ABCA6: variants seen among roughly 807,000 people sequenced by gnomAD.
ABCA6 encodes ATP-binding cassette sub-family A member 6.
ABCA6 carries 164 observed loss-of-function variants against 191.2 expected under a neutral mutation model. That is an observed-to-expected ratio of 0.86 (90% CI 0.76 to 0.98). The LOEUF (loss-of-function observed/expected upper bound fraction) is 0.98, where lower values mean the gene tolerates loss of function less well. Among genes scored for constraint, ABCA6 ranks in the 50% least tolerant of loss-of-function variants. The pLI is 0.00. For synonymous variants in ABCA6, 636 were observed against 647.7 expected (o/e 0.98, Z 0.27); for missense variants, 1,958 against 1,894.1 (o/e 1.03, Z -0.63).
intron 26 of ABCA6, 78 bp from the exon 27 acceptor site, chr17:69,089,620 T>G (rs1380427372): frequency 8.3e-7 from 1 of 1,201,174 alleles, no homozygotes; most frequent in Non-Finnish European, 1.2e-6. Flanking sequence ...TAATATAAAA[T>G]TCACATATTG....
chr17:69,078,878 A>T lies in ABCA6; in HGVS notation c.*95T>A. On this transcript the variant is annotated 3_prime_UTR_variant, in exon 39 of 39. Transcript: ENST00000284425. ...AAATTTACAAAATATACCTGATGTT[A>T]ATTTTAAATGATCTTTAAAATTAAA... The T allele has an allele frequency of 1.4e-6, 1 of 703,466 alleles. No individual in the cohort carries two copies. Among genetic ancestry groups the T allele is most frequent in the Non-Finnish European group, 2.2e-6 (1 of 458,944 alleles). The allele number at this position is 703,466 out of a possible 1,614,324, so 43.6% of individuals were successfully genotyped here. A position where few individuals can be genotyped will look rare whatever the true frequency, so the allele number is the denominator to read the frequency against.
At chr17:69,126,594 G>C (rs2073759199) in intron 8 of ABCA6, among the ~76,000 whole-genome samples, 1 of 152,018 alleles carries the variant, frequency 6.6e-6, no homozygotes, top group African/African-American at 2.4e-5. Context: ...GCTGCAGTGA[G>C]CTGTGTTTGT....
chr17:69,106,174 G>A lies in ABCA6; in HGVS notation c.2427C>T (p.Ser809=). The part of the protein sequence containing the change: ...EQVEMIRDSE[S]LNEMELAHSS... ...AGTGAGCCAGCTCCATTTCATTGAGGCTTTCTGAGTCTCTTATCATCTCCA... is the reference window on the plus strand; with the variant it reads ...AGTGAGCCAGCTCCATTTCATTGAGACTTTCTGAGTCTCTTATCATCTCCA... The change falls in exon 19 of 39, where the codon AGC becomes AGT. Residue 809 remains serine, a synonymous_variant. Transcript: ENST00000284425. The A allele has an allele frequency of 1.2e-6, 2 of 1,613,346 alleles. No homozygotes were observed. Among genetic ancestry groups the A allele is most frequent in the Non-Finnish European group, 8.5e-7 (1 of 1,179,658 alleles).
chr17:69,097,909 C>T lies in ABCA6; in HGVS notation c.3120+11G>A, dbSNP rs781143618. On this transcript the variant is annotated intron_variant, in intron 23 of 38. Transcript: ENST00000284425. ...TTCCTGAAATTTCTTCTTTTCCCTG[C>T]TTTTTCTTACCTTGTAATCACTGAT... The T allele has an allele frequency of 2.6e-6, 4 of 1,559,164 alleles. No homozygotes were observed. The African/African-American group carries it at 5.6e-5, about 22-fold the overall frequency.
Position 69,087,682 on chromosome 17 carries a change from G to C in ABCA6, c.3699-209C>G. On this transcript the variant is annotated intron_variant, in intron 28 of 38. Transcript: ENST00000284425. ...TCTTAATGTTGTTGCCATTCTTCTG[G>C]TAAGAATCTTTGACCCTTTCAAATC... 3 of 608,358 alleles carry C rather than the reference G, an allele frequency of 4.9e-6. No individual in the cohort carries two copies. The South Asian group carries it at 6.1e-5, about 12-fold the overall frequency. The allele number at this position is 608,358 out of a possible 1,614,324, so 37.7% of individuals were successfully genotyped here. A position where few individuals can be genotyped will look rare whatever the true frequency, so the allele number is the denominator to read the frequency against.
intron 8 of ABCA6, among the ~76,000 whole-genome samples, chr17:69,127,974 T>G (rs1159379729): frequency 6.6e-6 from 1 of 152,106 alleles, no homozygotes; most frequent in Admixed American, 6.6e-5. Flanking sequence ...AAAAACGTCA[T>G]GTTGAATGAA....
chr17:69,084,564 G>A, intron 32 of ABCA6, 57 bp from the exon 33 acceptor site: 1 of 1,508,744 alleles, frequency 6.6e-7, no homozygotes. Flanking sequence ...GAAAATCCAA[G>A]CACACAGAAC....
chr17:69,140,093 A>T (rs543085785), intron 2 of ABCA6, among the ~76,000 whole-genome samples: 28 of 152,164 alleles, frequency 1.8e-4, no homozygotes, highest in African/African-American at 6.7e-4. Flanking sequence ...AACTTAAAGT[A>T]TAATAATAAT....
intron 11 of ABCA6, chr17:69,115,911 T>C (rs917051208): frequency 1.3e-5 from 2 of 152,112 alleles, no homozygotes; most frequent in African/African-American, 4.8e-5. Context: ...TAGACTGGAG[T>C]GCAGTGGAGC....
chr17:69,141,343 C>T (rs1019458822), intron 1 of ABCA6, among the ~76,000 whole-genome samples: 11 of 152,016 alleles, frequency 7.2e-5, no homozygotes, highest in Non-Finnish European at 1.5e-4. Flanking sequence ...TCTCAATTTT[C>T]TGAATTCAGA....
At chr17:69,096,529 C>A in intron 24 of ABCA6, 99 bp downstream of exon 24, 1 of 1,038,774 alleles carries the variant, frequency 9.6e-7, no homozygotes, top group Non-Finnish European at 1.3e-6. Flanking sequence ...TGGTTTATTA[C>A]AAAATATGAA....
intron 17 of ABCA6, chr17:69,108,296 C>A (rs1410578957): frequency 6.5e-6 from 1 of 154,916 alleles, no homozygotes; most frequent in Non-Finnish European, 1.4e-5. Context: ...CCATTCTGCT[C>A]CCTCACTCAT....
intron 31 of ABCA6, 30 bp from the exon 32 acceptor site, chr17:69,085,212 A>T (rs1396316437): frequency 6.3e-7 from 1 of 1,578,390 alleles, no homozygotes; most frequent in Admixed American, 1.9e-5. Flanking sequence ...TTAGAAAGGC[A>T]TGCAGCCTTT....
At chr17:69,100,988 G>C in intron 21 of ABCA6, 54 bp from the exon 22 acceptor site, 2 of 1,449,604 alleles carry the variant, frequency 1.4e-6, no homozygotes, top group Non-Finnish European at 1.9e-6. Flanking sequence ...AAGAACAAAG[G>C]CAAGGTTTAT....
intron 37 of ABCA6, among the ~76,000 whole-genome samples, chr17:69,079,661 C>A (rs2072581690): frequency 6.6e-6 from 1 of 152,168 alleles, no homozygotes; most frequent in Non-Finnish European, 1.5e-5. Context: ...TGCTGGACTT[C>A]CCCACCAAAA....
intron 21 of ABCA6, among the ~76,000 whole-genome samples, chr17:69,101,739 A>C (rs1021566316): frequency 6.6e-6 from 1 of 152,090 alleles, no homozygotes; most frequent in Admixed American, 6.6e-5. Context: ...ATATTTATGT[A>C]CTTCATGTTT....
In ABCA6 at chr17:69,105,557, T is replaced by A. The variant is rs746673078; in HGVS notation, c.2645A>T (p.Lys882Met). 1.3e-6 allele frequency: 2 copies of A among 1,590,594 alleles called. No homozygotes were observed. Among genetic ancestry groups the A allele is most frequent in the Non-Finnish European group, 1.7e-6 (2 of 1,160,232 alleles). The change falls in exon 20 of 39, where the codon AAG (lysine) becomes ATG (methionine). Residue 882 changes from lysine to methionine, a missense_variant. Transcript: ENST00000284425. ...TTCGTTTTTAAATTCCCAATCGATC[T>A]TTTCATTTAACATAGCATACATTAT... The part of the protein sequence containing the change: ...ENIMYAMLNE[K>M]IDWEFKNELY...
intron 37 of ABCA6, among the ~76,000 whole-genome samples, chr17:69,080,798 A>C (rs559949629): frequency 6.6e-6 from 1 of 152,268 alleles, no homozygotes; most frequent in South Asian, 2.1e-4. Flanking sequence ...GGGCTTTTAG[A>C]GGGGGATGCC....
intron 13 of ABCA6, among the ~76,000 whole-genome samples, chr17:69,114,404 G>GCCAA (rs2073495089): frequency 7.2e-6 from 1 of 139,494 alleles, no homozygotes; most frequent in Non-Finnish European, 1.5e-5. Context: ...TCACACATGG[G>GCCAA]GGCCTGTTGT....
Sources: allele counts gnomAD v4.1 joint callset (sites outside exome capture counted in the v4.1 genomes callset), GRCh38; gene constraint gnomAD v4.1.1; transcripts MANE v1.5; gene names NCBI Gene and HGNC (gene_info 2026-07-23, HGNC 2026-07-21).